GTF3C3: variants seen among roughly 807,000 people sequenced by gnomAD.
GTF3C3 encodes general transcription factor 3C polypeptide 3.
Under a neutral mutation model 105.2 loss-of-function variants are expected in GTF3C3, and 75 were observed. The ratio of observed to expected loss-of-function variants is 0.71; its 90% confidence interval spans 0.59 to 0.86. The LOEUF (loss-of-function observed/expected upper bound fraction) is 0.86, where lower values mean the gene tolerates loss of function less well. Among genes scored for constraint, GTF3C3 ranks in the 40% least tolerant of loss-of-function variants. The probability of loss-of-function intolerance (pLI) is 0.00; values close to 1 mark genes in which losing one functional copy is unlikely to be tolerated. For synonymous variants in GTF3C3, 335 were observed against 370.4 expected (o/e 0.90, Z 1.10); for missense variants, 856 against 1,076.5 (o/e 0.80, Z 2.87).
intron 16 of GTF3C3, among the ~76,000 whole-genome samples, chr2:196,768,952 C>T (rs1464662695): frequency 1.3e-5 from 2 of 152,108 alleles, no homozygotes; most frequent in East Asian, 3.9e-4. Context: ...ATTCCTGGCA[C>T]ACAATGAGCA....
At chr2:196,768,893 A>AT (rs1263888608) in intron 16 of GTF3C3, among the ~76,000 whole-genome samples, 2 of 152,168 alleles carry the variant, frequency 1.3e-5, no homozygotes, top group Admixed American at 6.5e-5. Context: ...CCAGAATTTT[A>AT]TGAGGGCAAG....
rs144612738 is a variant in GTF3C3, at chr2:196,766,579, G to A, written c.2524C>T (p.Pro842Ser). The change falls in exon 17 of 18, where the codon CCA becomes TCA. Residue 842 changes from proline (P) to serine (S), a missense_variant. By Grantham distance (74) the Pro-to-Ser change is moderately conservative (BLOSUM62 -1). This residue lies in a region of GTF3C3 where 134 missense variants were observed against 128.9 expected (regional missense o/e 1.04). Coordinates refer to ENST00000263956, the MANE Select transcript of GTF3C3 (RefSeq NM_012086.5). ...HYYQKALELPPLVVEGIELDQ... is the reference protein window; with the variant it reads ...HYYQKALELPSLVVEGIELDQ... ...ATGCACAATACCTCTACCACAAGTG[G>A]AGGGAGCTCCAGGGCCTTCTGATAA... 1 of 1,610,322 alleles carries A rather than the reference G, an allele frequency of 6.2e-7. No individual in the cohort carries two copies. Among genetic ancestry groups the A allele is most frequent in the Admixed American group, 1.7e-5 (1 of 59,664 alleles).
chr2:196,783,532 T>C (rs1225303115), intron 8 of GTF3C3, among the ~76,000 whole-genome samples: 1 of 152,110 alleles, frequency 6.6e-6, no homozygotes, highest in East Asian at 1.9e-4. Flanking sequence ...CATGCCCTAA[T>C]CCATGCTTTC....
Position 196,773,965 on chromosome 2 carries a change from G to A in GTF3C3, c.1832-812C>T, listed in dbSNP as rs542592455. ...AGGCCACGGGCTGGTACCGGGGTTG[G>A]GGACCCCAGTGATAGAGGATTACGT... On this transcript the variant is annotated intron_variant, in intron 13 of 17. Coordinates refer to ENST00000263956, the MANE Select transcript of GTF3C3 (RefSeq NM_012086.5). 5.9e-5 allele frequency among the ~76,000 whole-genome samples: 9 copies of A among 152,324 alleles called. No homozygotes were observed. The South Asian group carries it at 1.9e-3, about 32-fold the overall frequency.
At position 196,799,648 on chromosome 2, in the gene GTF3C3, G is replaced by A. The variant is rs774063149; in HGVS notation, c.-37C>T. 6.8e-7 allele frequency: 1 copy of A among 1,462,022 alleles called. No individual in the cohort carries two copies. The highest frequency in any genetic ancestry group is 9.6e-7 in the Non-Finnish European group (1 of 1,042,870). 90.6% of individuals were successfully genotyped at this position (1,462,022 alleles called of 1,614,324 possible). ...CTGTCTGTGCAACCCCAGGAACCGG[G>A]ACAGAGAACCGGAAGAGCAGCGCCT... is the stretch of plus-strand genomic sequence containing the variant. On this transcript the variant is annotated 5_prime_UTR_variant, in exon 1 of 18. Coordinates refer to ENST00000263956, the MANE Select transcript of GTF3C3 (RefSeq NM_012086.5).
chr2:196,773,241 A>T (rs924602491), intron 13 of GTF3C3, 88 bp from the exon 14 acceptor site: 4 of 770,702 alleles, frequency 5.2e-6, no homozygotes, highest in Non-Finnish European at 8.8e-6. Flanking sequence ...ATTTTAAGAC[A>T]AGTTTAATAA....
intron 6 of GTF3C3, among the ~76,000 whole-genome samples, chr2:196,787,353 A>T (rs1345488852): frequency 6.6e-6 from 1 of 152,120 alleles, no homozygotes; most frequent in African/African-American, 2.4e-5. Context: ...TCACTTTTCT[A>T]CTCAAAATCT....
chr2:196,779,663 T>C (rs551028194), intron 9 of GTF3C3, among the ~76,000 whole-genome samples: 9 of 152,274 alleles, frequency 5.9e-5, no homozygotes, highest in South Asian at 2.1e-4. Context: ...TTTTGGAAAG[T>C]TGTTTCCTTA....
intron 12 of GTF3C3, 75 bp from the exon 13 acceptor site, chr2:196,775,326 G>T: frequency 1.4e-6 from 2 of 1,381,146 alleles, no homozygotes; most frequent in South Asian, 2.9e-5. Context: ...TGTTATGTTG[G>T]CTCAGGCTGG....
intron 15 of GTF3C3, among the ~76,000 whole-genome samples, chr2:196,771,157 AC>A (rs1699168131): frequency 6.6e-6 from 1 of 152,104 alleles, no homozygotes; most frequent in Non-Finnish European, 1.5e-5. Flanking sequence ...ATACTTGTTT[AC>A]TTCTGATTCC....
At chr2:196,783,833 C>A (rs1699409821) in intron 8 of GTF3C3, among the ~76,000 whole-genome samples, 1 of 152,172 alleles carries the variant, frequency 6.6e-6, no homozygotes, top group Non-Finnish European at 1.5e-5. Context: ...TTCCCGCCTC[C>A]ACTTCCTTGA....
chr2:196,765,166 G>A (rs867627392), intron 17 of GTF3C3, among the ~76,000 whole-genome samples: 9 of 152,156 alleles, frequency 5.9e-5, no homozygotes, highest in Admixed American at 1.3e-4. Context: ...CATATAAAGT[G>A]TAGGTTTAGG....
rs1559303601 is a variant in GTF3C3, at chr2:196,786,480, C to A, written c.894-892G>T. Reference sequence around the variant, plus strand: ...TATTTCCAGCACATCTACCTACTTACCAGTATCTTTGGCCATATCATCTGC... The same window carrying A: ...TATTTCCAGCACATCTACCTACTTAACAGTATCTTTGGCCATATCATCTGC... On this transcript the variant is annotated intron_variant, in intron 6 of 17. Coordinates refer to ENST00000263956, the MANE Select transcript of GTF3C3 (RefSeq NM_012086.5). The surrounding 1 kb of genome is among the most constrained non-coding windows in gnomAD (Gnocchi z 4.2). Among the ~76,000 whole-genome samples the A allele has an allele frequency of 6.6e-6, 1 of 152,260 alleles. No individual in the cohort carries two copies.
At chr2:196,799,272 T>A (rs1306862562) in intron 1 of GTF3C3, 1 of 473,570 alleles carries the variant, frequency 2.1e-6, no homozygotes, top group East Asian at 3.7e-5. Context: ...AAAAACGTAG[T>A]ATTGGGGGAA....
intron 2 of GTF3C3, among the ~76,000 whole-genome samples, chr2:196,796,597 A>G (rs935152494): frequency 6.6e-6 from 1 of 152,132 alleles, no homozygotes; most frequent in Non-Finnish European, 1.5e-5. Context: ...TGCTGCACAG[A>G]TCATCCCATC....
intron 6 of GTF3C3, among the ~76,000 whole-genome samples, chr2:196,788,928 G>A (rs1699499677): frequency 6.6e-6 from 1 of 152,036 alleles, no homozygotes; most frequent in Non-Finnish European, 1.5e-5. Flanking sequence ...TTAGCCGGGT[G>A]TGGTGGCGTG....
intron 17 of GTF3C3, 58 bp downstream of exon 17, chr2:196,766,507 C>A: frequency 7.5e-7 from 1 of 1,324,528 alleles, no homozygotes; most frequent in Non-Finnish European, 1.0e-6. Context: ...ACTTAGCTAA[C>A]TGCCCTTATC....
intron 16 of GTF3C3, among the ~76,000 whole-genome samples, chr2:196,767,161 A>C (rs1699083244): frequency 6.6e-6 from 1 of 152,178 alleles, no homozygotes; most frequent in Admixed American, 6.5e-5. Context: ...TTTTAGGGTA[A>C]ATTTTACCTT....
intron 2 of GTF3C3, 108 bp downstream of exon 2, chr2:196,797,689 G>T: frequency 1.5e-6 from 1 of 684,856 alleles, no homozygotes; most frequent in Non-Finnish European, 2.6e-6. Flanking sequence ...TGAAAAACCA[G>T]GTAATCAACA....
Sources: allele counts gnomAD v4.1 joint callset (sites outside exome capture counted in the v4.1 genomes callset), GRCh38; gene constraint gnomAD v4.1.1; regional missense constraint gnomAD v4.1.1; non-coding constraint Gnocchi (gnomAD v3.1); transcripts MANE v1.5; gene names NCBI Gene and HGNC (gene_info 2026-07-23, HGNC 2026-07-21).